Variants in ERBB4 observed in about 807,000 individuals in gnomAD.
ERBB4 encodes the protein receptor tyrosine-protein kinase erbB-4.
Under a neutral mutation model 158.0 loss-of-function variants are expected in ERBB4, and 42 were observed. The ratio of observed to expected loss-of-function variants is 0.27; its 90% CI spans 0.21 to 0.34. The LOEUF (loss-of-function observed/expected upper bound fraction) is 0.34. Ranked by LOEUF, ERBB4 falls within the 10% of genes least tolerant of loss-of-function variation. The probability of loss-of-function intolerance (pLI) is 1.00; values close to 1 mark genes in which losing one functional copy is unlikely to be tolerated. For synonymous variants in ERBB4, 583 were observed against 558.7 expected (o/e 1.04, Z -0.61); for missense variants, 1,333 against 1,624.1 (o/e 0.82, Z 3.08).
chr2:211,805,310 G>A (rs1223305535), intron 3 of ERBB4, among the ~76,000 whole-genome samples: 1 of 151,972 alleles, frequency 6.6e-6, no homozygotes, highest in African/African-American at 2.4e-5. Context: ...TGTTTTCTTT[G>A]AGTATGGAGA....
intron 1 of ERBB4, among the ~76,000 whole-genome samples, chr2:212,280,573 C>CT (rs2085718395): frequency 6.6e-6 from 1 of 151,624 alleles, no homozygotes; most frequent in South Asian, 2.1e-4. Context: ...AGAGTTGCTC[C>CT]TGAACATGCC....
At chr2:211,513,357 C>CAAAAAAA (rs61042785) in intron 20 of ERBB4, among the ~76,000 whole-genome samples, 25 of 39,182 alleles carry the variant, frequency 6.4e-4, no homozygotes, top group African/African-American at 1.5e-3. Context: ...GACTCCGTCT[C>CAAAAAAA]AAAAAAAAAA....
chr2:212,496,080 G>C (rs1690551848), intron 1 of ERBB4, among the ~76,000 whole-genome samples: 1 of 152,010 alleles, frequency 6.6e-6, no homozygotes. Flanking sequence ...TTATCCAATT[G>C]TAGTAATGAT....
intron 2 of ERBB4, among the ~76,000 whole-genome samples, chr2:211,954,720 G>C (rs2080981159): frequency 6.6e-6 from 1 of 151,970 alleles, no homozygotes; most frequent in Non-Finnish European, 1.5e-5. Flanking sequence ...TTCTCTGACG[G>C]TGACAAATGT....
chr2:211,851,895 A>C (rs1051513422), intron 3 of ERBB4, among the ~76,000 whole-genome samples: 1 of 151,994 alleles, frequency 6.6e-6, no homozygotes, highest in African/African-American at 2.4e-5. Context: ...TTTATTAAAC[A>C]GTCTGAATAT....
chr2:212,014,319 C>A lies in ERBB4; in HGVS notation c.235-66703G>T, dbSNP rs142717937. On this transcript the variant is annotated intron_variant, in intron 2 of 27. Transcript: ENST00000342788. ...GCTGCTCAAGTTTTAAGGACAACTC[C>A]ATTGCAAACTCTACTCTTGCCTGCT... Among the ~76,000 whole-genome samples, 295 of 152,306 alleles carry A rather than the reference C, an allele frequency of 1.9e-3. 2 individuals carry two copies. Among genetic ancestry groups the A allele is most frequent in the African/African-American group, 6.8e-3 (283 of 41,564 alleles).
intron 2 of ERBB4, among the ~76,000 whole-genome samples, chr2:212,056,922 A>C (rs1434705979): frequency 6.6e-6 from 1 of 152,208 alleles, no homozygotes; most frequent in Non-Finnish European, 1.5e-5. Flanking sequence ...AAATTCACAC[A>C]TAACAATATT....
chr2:212,130,356 G>A (rs904023403), intron 1 of ERBB4, among the ~76,000 whole-genome samples: 2 of 152,030 alleles, frequency 1.3e-5, no homozygotes, highest in Non-Finnish European at 2.9e-5. Context: ...TACAAATGTA[G>A]CTATACTTCC....
chr2:211,526,015 A>T (rs1054217348), intron 20 of ERBB4, among the ~76,000 whole-genome samples: 3 of 152,146 alleles, frequency 2.0e-5, no homozygotes, highest in Non-Finnish European at 4.4e-5. Context: ...CCATGGCCTG[A>T]GGAAACTCGA....
intron 1 of ERBB4, among the ~76,000 whole-genome samples, chr2:212,177,190 TA>T (rs2081695191): frequency 6.6e-6 from 1 of 151,716 alleles, no homozygotes; most frequent in South Asian, 2.1e-4. Flanking sequence ...TTTTGTAAGG[TA>T]AAAAAATGTA....
At position 211,958,177 on chromosome 2, in the gene ERBB4, A is replaced by G. The variant is rs2081082494; in HGVS notation, c.235-10561T>C. ...CACAAAGCACAGCCTTAATTAATTT[A>G]TAAAAAAACAAATATTTGCTTTAGT... On this transcript the variant is annotated intron_variant, in intron 2 of 27. Transcript: ENST00000342788. Among the ~76,000 whole-genome samples the G allele has an allele frequency of 2.0e-5, 3 of 152,118 alleles. 1 individual carries two copies. The East Asian group carries it at 5.8e-4, about 29-fold the overall frequency.
intron 2 of ERBB4, among the ~76,000 whole-genome samples, chr2:212,066,452 T>C (rs1485479026): frequency 1.3e-5 from 2 of 152,032 alleles, no homozygotes. Flanking sequence ...TAATTAGGCT[T>C]ATCCGATATG....
chr2:212,148,970 TCACATGGA>T (rs1458072536), intron 1 of ERBB4, among the ~76,000 whole-genome samples: 1 of 126,788 alleles, frequency 7.9e-6, no homozygotes, highest in East Asian at 2.4e-4. Flanking sequence ...AACAATGAGA[TCACATGGA>T]CACAGGAAGG....
At chr2:211,905,763 T>TATATATATATATATATATATAC (rs566719974) in intron 3 of ERBB4, among the ~76,000 whole-genome samples, 1 of 141,496 alleles carries the variant, frequency 7.1e-6, no homozygotes, top group African/African-American at 2.6e-5. Flanking sequence ...TATATATATA[T>TATATATATATATATATATATAC]ACTATTATGT....
intron 19 of ERBB4, among the ~76,000 whole-genome samples, chr2:211,604,863 A>G (rs1442238137): frequency 2.0e-5 from 3 of 152,208 alleles, no homozygotes; most frequent in Non-Finnish European, 4.4e-5. Context: ...ACTATTTGGC[A>G]TATATATAAC....
intron 1 of ERBB4, among the ~76,000 whole-genome samples, chr2:212,367,945 T>C (rs1022789415): frequency 6.6e-6 from 1 of 152,066 alleles, no homozygotes. Flanking sequence ...GATGTTGGTG[T>C]GGATGCGGTG....
chr2:212,008,772 A>C (rs115123153), intron 2 of ERBB4, among the ~76,000 whole-genome samples: 1,724 of 152,266 alleles, frequency 0.011, 30 homozygotes, highest in African/African-American at 0.04. Flanking sequence ...AAGAGTGTGA[A>C]TGAATAGAAT....
chr2:211,805,195 G>C (rs553171354), intron 3 of ERBB4, among the ~76,000 whole-genome samples: 1 of 152,132 alleles, frequency 6.6e-6, no homozygotes. Context: ...CTAAAGTGCT[G>C]GGATTACAGG....
chr2:212,122,784 T>C (rs921094879), intron 2 of ERBB4, among the ~76,000 whole-genome samples: 4 of 151,714 alleles, frequency 2.6e-5, no homozygotes, highest in Non-Finnish European at 4.4e-5. Flanking sequence ...TTATAAAATA[T>C]ATAAAAAGAC....
Sources: allele counts gnomAD v4.1 joint callset (sites outside exome capture counted in the v4.1 genomes callset), GRCh38; gene constraint gnomAD v4.1.1; transcripts MANE v1.5; gene names NCBI Gene and HGNC (gene_info 2026-07-23, HGNC 2026-07-21).